Variants in TCF12 observed in about 807,000 individuals in gnomAD.
The protein encoded by TCF12 is DNA-binding protein HTF4.
Under a neutral mutation model 86.0 loss-of-function variants are expected in TCF12, and 45 were observed. The observed-to-expected ratio is 0.52, with a 90% CI of 0.41 to 0.67. The LOEUF (loss-of-function observed/expected upper bound fraction) is 0.67. Ranked by LOEUF, TCF12 falls within the 30% of genes least tolerant of loss-of-function variation. The pLI is 0.00. For missense variants in TCF12, 881 were observed against 859.9 expected (o/e 1.02, Z -0.31); for synonymous variants, 330 against 299.6 (o/e 1.10, Z -1.05).
intron 13 of TCF12, chr15:57,247,606 CT>C: frequency 1.2e-6 from 1 of 819,588 alleles, no homozygotes; most frequent in Non-Finnish European, 2.1e-6. Context: ...TCTTGCCATA[CT>C]TTTCAAAGTA....
At chr15:57,044,139 A>G (rs2067074414) in intron 3 of TCF12, among the ~76,000 whole-genome samples, 1 of 152,210 alleles carries the variant, frequency 6.6e-6, no homozygotes, top group South Asian at 2.1e-4. Flanking sequence ...AGGAGCTAAT[A>G]CTGTATTACT....
chr15:57,024,837 T>C (rs1352761638), intron 3 of TCF12, among the ~76,000 whole-genome samples: 5 of 152,102 alleles, frequency 3.3e-5, no homozygotes, highest in Non-Finnish European at 1.5e-5. Context: ...CCCTTTGGGA[T>C]AAGGTAGGTA....
chr15:57,053,496 T>C (rs1328273393), intron 3 of TCF12, among the ~76,000 whole-genome samples: 1 of 152,230 alleles, frequency 6.6e-6, no homozygotes, highest in African/African-American at 2.4e-5. Context: ...TGTTTTTGCT[T>C]TTTTGTCTGT....
intron 8 of TCF12, chr15:57,219,431 C>T (rs1265548771): frequency 6.6e-7 from 1 of 1,506,004 alleles, no homozygotes; most frequent in Non-Finnish European, 9.0e-7. Flanking sequence ...ATGCATAGTA[C>T]TGAAGACTTA....
chr15:57,164,088 A>G (rs2054689185), intron 5 of TCF12, among the ~76,000 whole-genome samples: 1 of 152,168 alleles, frequency 6.6e-6, no homozygotes, highest in Admixed American at 6.5e-5. Flanking sequence ...TCAAAGCACC[A>G]TGTTTGGGGG....
At chr15:57,056,693 A>C (rs143620924) in intron 3 of TCF12, among the ~76,000 whole-genome samples, 6,128 of 152,158 alleles carry the variant, frequency 0.04, 371 homozygotes, top group Admixed American at 0.17. Context: ...TCCTGGACTC[A>C]AGCAATCCAC....
chr15:57,182,145 GA>G, intron 6 of TCF12, among the ~76,000 whole-genome samples: 1 of 152,186 alleles, frequency 6.6e-6, no homozygotes. Flanking sequence ...ATACCTCCAG[GA>G]CAAGATCAGT....
chr15:57,177,171 A>G (rs2055978049), intron 6 of TCF12, among the ~76,000 whole-genome samples: 1 of 152,168 alleles, frequency 6.6e-6, no homozygotes, highest in Non-Finnish European at 1.5e-5. Context: ...AGCTGCCTGC[A>G]GAGTGATGTG....
chr15:57,254,342 A>G (rs1333585921), intron 16 of TCF12, among the ~76,000 whole-genome samples: 2 of 152,154 alleles, frequency 1.3e-5, no homozygotes, highest in African/African-American at 2.4e-5. Context: ...TCACACTCAC[A>G]TATCTTACAC....
chr15:56,993,435 G>A (rs192457381), intron 3 of TCF12, among the ~76,000 whole-genome samples: 3 of 152,166 alleles, frequency 2.0e-5, no homozygotes, highest in South Asian at 2.1e-4. Flanking sequence ...TTCCAAGTCA[G>A]ATACAGTATC....
At chr15:57,261,391 TA>T (rs1187511279) in intron 16 of TCF12, among the ~76,000 whole-genome samples, 1 of 152,114 alleles carries the variant, frequency 6.6e-6, no homozygotes, top group Non-Finnish European at 1.5e-5. Context: ...TAAACTTGCA[TA>T]GGGGTATTTA....
At chr15:57,209,457 G>A (rs1477542393) in intron 8 of TCF12, among the ~76,000 whole-genome samples, 1 of 152,072 alleles carries the variant, frequency 6.6e-6, no homozygotes, top group Non-Finnish European at 1.5e-5. Context: ...CAACAATACA[G>A]GAATTATTTT....
Position 57,064,795 on chromosome 15 carries a change from C to CAAA in TCF12, c.222+988_222+990dup, listed in dbSNP as rs1177544594. Among the ~76,000 whole-genome samples the CAAA allele has an allele frequency of 3.8e-3, 299 of 77,996 alleles. 7 individuals carry two copies. Among genetic ancestry groups the CAAA allele is most frequent in the African/African-American group, 0.012 (171 of 13,688 alleles). 51.2% of individuals were successfully genotyped at this position (77,996 alleles called of 152,430 possible). On this transcript the variant is annotated intron_variant, in intron 4 of 20. Coordinates refer to ENST00000333725, the MANE Select transcript of TCF12 (RefSeq NM_207037.2). ...TGGGCCACAGAGTGAGACTCCATCT[C>CAAA]AAAAAAAAAAAAAAAAAAGAGAGAG...
intron 6 of TCF12, among the ~76,000 whole-genome samples, chr15:57,180,263 G>T (rs557919568): frequency 6.6e-6 from 1 of 152,212 alleles, no homozygotes; most frequent in East Asian, 1.9e-4. Context: ...ATGACTTGGG[G>T]TGAGAGACTT....
rs2061983035 is a variant in TCF12 at position 57,287,851 on chromosome 15, C to CTG, written c.*1709_*1710dup. The CTG allele has an allele frequency of 6.6e-6, 1 of 152,670 alleles. No individual in the cohort carries two copies. The highest frequency in any genetic ancestry group is 1.9e-4 in the East Asian group (1 of 5,194). 9.5% of individuals were successfully genotyped at this position (152,670 alleles called of 1,614,324 possible). On this transcript the variant is annotated 3_prime_UTR_variant, in exon 21 of 21. Transcript: ENST00000333725. ...ATTCTCCAGTTACATCGGACTCTAT[C>CTG]TGTGGCCTTGTTCTTCATTTCAGTG...
Position 56,920,005 on chromosome 15 carries a change from T to C in TCF12, c.75+17T>C, listed in dbSNP as rs2140157285. 2 of 1,613,794 alleles carry C rather than the reference T, an allele frequency of 1.2e-6. No homozygotes were observed. The highest frequency in any genetic ancestry group is 1.7e-6 in the Non-Finnish European group (2 of 1,179,806). On this transcript the variant is annotated intron_variant, in intron 2 of 20. Coordinates refer to ENST00000333725, the MANE Select transcript of TCF12 (RefSeq NM_207037.2). ...TTCAGTGCGGTATGAGAGCTTTCCATGGCATCTTGGGGTTCTGCTGAGGTT... is the reference window on the plus strand; with the variant it reads ...TTCAGTGCGGTATGAGAGCTTTCCACGGCATCTTGGGGTTCTGCTGAGGTT...
intron 3 of TCF12, among the ~76,000 whole-genome samples, chr15:56,935,658 C>G (rs545102998): frequency 6.6e-6 from 1 of 152,096 alleles, no homozygotes; most frequent in African/African-American, 2.4e-5. Context: ...CCCCAAAGTC[C>G]AAGGTATCAT....
rs866302191 is a variant in TCF12 at position 57,286,859 on chromosome 15, G to A, written c.*714G>A. 2.8e-6 allele frequency: 1 copy of A among 363,360 alleles called. No homozygotes were observed. The highest frequency in any genetic ancestry group is 2.1e-5 in the African/African-American group (1 of 46,840). 22.5% of individuals were successfully genotyped at this position (363,360 alleles called of 1,614,324 possible). A position where few individuals can be genotyped will look rare whatever the true frequency, so the allele number is the denominator to read the frequency against. ...GATCTCTAAATCTGAACAGTTTATG[G>A]TCACAGTCCAGCCTCCTCCGTGCAG... On this transcript the variant is annotated 3_prime_UTR_variant, in exon 21 of 21. Coordinates refer to ENST00000333725, the MANE Select transcript of TCF12 (RefSeq NM_207037.2).
At chr15:57,097,812 T>TA (rs1221304640) in intron 5 of TCF12, among the ~76,000 whole-genome samples, 2 of 152,036 alleles carry the variant, frequency 1.3e-5, no homozygotes, top group East Asian at 3.9e-4. Context: ...GGAGCCTAGA[T>TA]ACAGTTGAAG....
Sources: gnomAD v4.1 joint callset for allele counts (sites outside exome capture counted in the v4.1 genomes callset) on GRCh38, gnomAD v4.1.1 for gene constraint, MANE v1.5 for transcripts, NCBI Gene and HGNC (gene_info 2026-07-23, HGNC 2026-07-21) for gene names.